TNFRSF11A: variants seen among roughly 807,000 people sequenced by gnomAD.
TNFRSF11A encodes the protein TNF receptor superfamily member 11a, also known as tumor necrosis factor receptor superfamily member 11A.
TNFRSF11A carries 32 observed loss-of-function variants against 55.7 expected under a neutral mutation model. The observed-to-expected ratio is 0.57, with a 90% CI of 0.43 to 0.77. TNFRSF11A has a LOEUF of 0.77. Ranked by LOEUF, TNFRSF11A falls within the 30% of genes least tolerant of loss-of-function variation. The pLI, the probability that TNFRSF11A is intolerant of heterozygous loss-of-function variation, is 0.00. For missense variants in TNFRSF11A, 753 were observed against 809.8 expected (o/e 0.93, Z 0.85); for synonymous variants, 311 against 331.0 (o/e 0.94, Z 0.65).
At chr18:62,360,113 C>A in intron 6 of TNFRSF11A, 64 bp downstream of exon 6, 1 of 1,365,716 alleles carries the variant, frequency 7.3e-7, no homozygotes, top group Non-Finnish European at 1.0e-6. Flanking sequence ...GGTTTAGATC[C>A]CTCCCAGATG....
Position 62,391,067 on chromosome 18 carries a change from A to G in TNFRSF11A, c.*6033A>G, listed in dbSNP as rs1211202362. 2 of 152,184 alleles carry G rather than the reference A, an allele frequency of 1.3e-5. No homozygotes were observed. Among genetic ancestry groups the G allele is most frequent in the African/African-American group, 2.4e-5 (1 of 41,422 alleles). 9.4% of individuals were successfully genotyped at this position (152,184 alleles called of 1,614,324 possible). On this transcript the variant is annotated 3_prime_UTR_variant, in exon 10 of 10. Transcript: ENST00000586569. Reference sequence around the variant, plus strand: ...CAACCATTATCTGTTCTCTCTTCCCATAGTTTCACCTTTTCCAATTTGTCG... The same window carrying G: ...CAACCATTATCTGTTCTCTCTTCCCGTAGTTTCACCTTTTCCAATTTGTCG...
At chr18:62,334,498 C>A (rs377282050) in intron 1 of TNFRSF11A, among the ~76,000 whole-genome samples, 16 of 152,280 alleles carry the variant, frequency 1.1e-4, no homozygotes, top group African/African-American at 3.4e-4. Context: ...AGAAGGATGG[C>A]CTTGGAGCCC....
At chr18:62,380,023 G>A (rs577512484) in intron 9 of TNFRSF11A, among the ~76,000 whole-genome samples, 38 of 152,298 alleles carry the variant, frequency 2.5e-4, no homozygotes, top group South Asian at 6.2e-4. Context: ...AGTTGCCCGC[G>A]CCTTCAGGAC....
chr18:62,360,836 T>C (rs1217960132), intron 6 of TNFRSF11A, among the ~76,000 whole-genome samples: 1 of 152,154 alleles, frequency 6.6e-6, no homozygotes, highest in Non-Finnish European at 1.5e-5. Flanking sequence ...TGTGGAGGTG[T>C]GGGTCCAGAT....
chr18:62,326,704 A>C (rs2145226864), intron 1 of TNFRSF11A, among the ~76,000 whole-genome samples: 2 of 152,354 alleles, frequency 1.3e-5, no homozygotes, highest in South Asian at 4.1e-4. Context: ...AATGCTATCA[A>C]AATAAGTTTA....
intron 9 of TNFRSF11A, among the ~76,000 whole-genome samples, chr18:62,377,248 A>C (rs746905399): frequency 1.3e-5 from 2 of 152,212 alleles, no homozygotes; most frequent in Non-Finnish European, 2.9e-5. Context: ...ATAATATTCC[A>C]TTGTGTGGAG....
chr18:62,377,811 T>C (rs1317509088), intron 9 of TNFRSF11A, among the ~76,000 whole-genome samples: 1 of 152,230 alleles, frequency 6.6e-6, no homozygotes, highest in South Asian at 2.1e-4. Flanking sequence ...GATGTGGCTT[T>C]TGCAGATATT....
At chr18:62,354,808 G>C (rs959272587) in intron 4 of TNFRSF11A, among the ~76,000 whole-genome samples, 2 of 152,322 alleles carry the variant, frequency 1.3e-5, no homozygotes, top group South Asian at 4.1e-4. Flanking sequence ...TCCTCCATCC[G>C]TGGAAACCTG....
At chr18:62,343,726 A>G (rs993466741) in intron 1 of TNFRSF11A, among the ~76,000 whole-genome samples, 1 of 152,216 alleles carries the variant, frequency 6.6e-6, no homozygotes, top group Admixed American at 6.5e-5. Flanking sequence ...ACACAAAAAG[A>G]CACAAGAAAG....
intron 1 of TNFRSF11A, among the ~76,000 whole-genome samples, chr18:62,345,011 G>T (rs1346670482): frequency 1.3e-5 from 2 of 152,228 alleles, no homozygotes; most frequent in Non-Finnish European, 2.9e-5. Context: ...CAGCGTCAAG[G>T]GGACAAGTCG....
chr18:62,367,896 C>T (rs1479149640), intron 8 of TNFRSF11A, among the ~76,000 whole-genome samples: 1 of 145,350 alleles, frequency 6.9e-6, no homozygotes, highest in African/African-American at 2.6e-5. Flanking sequence ...CAGGTTCAAG[C>T]GATTCTTCTG....
intron 1 of TNFRSF11A, among the ~76,000 whole-genome samples, chr18:62,326,371 G>A (rs538043646): frequency 6.6e-6 from 1 of 152,338 alleles, no homozygotes; most frequent in East Asian, 1.9e-4. Context: ...AATAATGTGG[G>A]TGCACTGAAG....
chr18:62,332,396 T>C (rs1039220516), intron 1 of TNFRSF11A, among the ~76,000 whole-genome samples: 2 of 152,154 alleles, frequency 1.3e-5, no homozygotes, highest in Non-Finnish European at 2.9e-5. Flanking sequence ...AACTTCATAG[T>C]CAGATATACA....
At position 62,361,767 on chromosome 18, in the gene TNFRSF11A, A is replaced by C. The variant is rs140888748; in HGVS notation, c.704A>C (p.Tyr235Ser). ...GCTGCCATCATCTTTGGCGTTTGCT[A>C]TAGGAAAAAAGGGAAAGCACTCACA... The part of the protein sequence containing the change: ...LVAAIIFGVC[Y>S]RKKGKALTAN... Residue 235 changes from tyrosine to serine, a missense_variant, in exon 7 of 10, where the codon TAT (tyrosine) becomes TCT (serine). Physicochemically the swap from Tyr to Ser is moderately radical, Grantham distance 144. Around this residue, in one of 3 missense-constraint regions of TNFRSF11A, gnomAD observed 567 missense variants for 596.7 expected, o/e 0.95. Coordinates refer to ENST00000586569, the MANE Select transcript of TNFRSF11A (RefSeq NM_003839.4). 6.2e-7 allele frequency: 1 copy of C among 1,613,946 alleles called. No individual in the cohort carries two copies. Among genetic ancestry groups the C allele is most frequent in the Non-Finnish European group, 8.5e-7 (1 of 1,180,018 alleles).
chr18:62,382,902 G>T (rs1568498259), intron 9 of TNFRSF11A, among the ~76,000 whole-genome samples: 1 of 152,078 alleles, frequency 6.6e-6, no homozygotes, highest in African/African-American at 2.4e-5. Context: ...ATATTTCACT[G>T]CTTTACCTAA....
At chr18:62,335,491 T>C (rs575925796) in intron 1 of TNFRSF11A, among the ~76,000 whole-genome samples, 1 of 152,204 alleles carries the variant, frequency 6.6e-6, no homozygotes, top group Non-Finnish European at 1.5e-5. Flanking sequence ...GCAGTCCTCA[T>C]GGGTAAGGGG....
rs1436003957 is a variant in TNFRSF11A, at chr18:62,349,852, T to C, written c.198T>C (p.Ser66=). The C allele has an allele frequency of 4.3e-6, 7 of 1,614,138 alleles. No individual in the cohort carries two copies. Among genetic ancestry groups the C allele is most frequent in the Admixed American group, 1.7e-5 (1 of 60,026 alleles). ...MSSKCTTTSD[S]VCLPCGPDEY... is the part of the protein sequence containing the mutation. ...CTAAATGCACTACTACCTCTGACAG[T>C]GTATGTCTGCCCTGTGGCCCGGATG... The change falls in exon 3 of 10, where the codon AGT becomes AGC. Residue 66 remains serine (S), a synonymous_variant. Coordinates refer to ENST00000586569, the MANE Select transcript of TNFRSF11A (RefSeq NM_003839.4).
chr18:62,337,793 C>A lies in TNFRSF11A; in HGVS notation c.76-10375C>A, dbSNP rs140174579. ...CTCCCCTGGACTGTAAGCCAGGACT[C>A]TCTCGGTTGAGTTCTATCCACTGTA... On this transcript the variant is annotated intron_variant, in intron 1 of 9. Coordinates refer to ENST00000586569, the MANE Select transcript of TNFRSF11A (RefSeq NM_003839.4). Among the ~76,000 whole-genome samples the A allele has an allele frequency of 1.8e-3, 278 of 152,322 alleles. 1 individual carries two copies. The highest frequency in any genetic ancestry group is 6.2e-3 in the African/African-American group (259 of 41,564).
Position 62,385,286 on chromosome 18 carries a change from A to C in TNFRSF11A, c.*252A>C. 2.8e-6 allele frequency: 1 copy of C among 353,158 alleles called. No individual in the cohort carries two copies. The allele number at this position is 353,158 out of a possible 1,614,324, so 21.9% of individuals were successfully genotyped here. ...AGATGTCTCCCCTGCCACTCCTCAAACTCGCAGCAGTAATTTGTGGCACTA... is the reference window on the plus strand; with the variant it reads ...AGATGTCTCCCCTGCCACTCCTCAACCTCGCAGCAGTAATTTGTGGCACTA... On this transcript the variant is annotated 3_prime_UTR_variant, in exon 10 of 10. Transcript: ENST00000586569.
Sources: gnomAD v4.1 joint callset for allele counts (sites outside exome capture counted in the v4.1 genomes callset) on GRCh38, gnomAD v4.1.1 for gene constraint, gnomAD v4.1.1 regional missense constraint, MANE v1.5 for transcripts, NCBI Gene and HGNC (gene_info 2026-07-23, HGNC 2026-07-21) for gene names.